Variants in SCN3A observed in about 807,000 individuals in gnomAD.
The protein encoded by SCN3A is sodium voltage-gated channel alpha subunit 3, also known as sodium channel protein type 3 subunit alpha.
Under a neutral mutation model 187.6 loss-of-function variants are expected in SCN3A, and 60 were observed. The ratio of observed to expected loss-of-function variants is 0.32; its 90% confidence interval spans 0.26 to 0.40. The LOEUF (loss-of-function observed/expected upper bound fraction) is 0.40, where lower values mean the gene tolerates loss of function less well. Among genes scored for constraint, SCN3A ranks in the 10% least tolerant of loss-of-function variants. The probability of loss-of-function intolerance (pLI) is 1.00; values close to 1 mark genes in which losing one functional copy is unlikely to be tolerated. For missense variants in SCN3A, 1,601 were observed against 2,428.2 expected, an observed-to-expected ratio of 0.66 and a Z score of 7.16; for synonymous variants, 788 against 829.2, an observed-to-expected ratio of 0.95 and a Z score of 0.85.
intron 15 of SCN3A, among the ~76,000 whole-genome samples, chr2:165,135,149 C>A (rs1687588188): frequency 6.6e-6 from 1 of 151,946 alleles, no homozygotes; most frequent in African/African-American, 2.4e-5. Context: ...GTTGTCTAAC[C>A]TACTATGATT....
rs1688394135 is a variant in SCN3A at position 165,147,028 on chromosome 2, G to A, written c.1382C>T (p.Ala461Val). The change falls in exon 12 of 28, where the codon GCA (alanine) becomes GTA (valine). Residue 461 changes from alanine (A) to valine (V), a missense_variant and splice_region_variant. By Grantham distance (64) the Ala-to-Val change is moderately conservative (BLOSUM62 0). Coordinates refer to ENST00000283254, the MANE Select transcript of SCN3A (RefSeq NM_006922.4). The part of the protein sequence containing the change: ...QLKKQQEEAQ[A>V]VAAASAASRD... ...TGAAGCAGCTGATGCTGCCGCAACT[G>A]CCTGTCATAAAACAAAGCCAGGCAC... 1 of 1,613,770 alleles carries A rather than the reference G, an allele frequency of 6.2e-7. No individual in the cohort carries two copies. Among genetic ancestry groups the A allele is most frequent in the South Asian group, 1.1e-5 (1 of 91,076 alleles).
chr2:165,112,853 A>T, intron 21 of SCN3A, 32 bp downstream of exon 21: 1 of 1,597,200 alleles, frequency 6.3e-7, no homozygotes, highest in Non-Finnish European at 8.6e-7. Context: ...TCTTTTAAAA[A>T]CAATTTTATA....
At chr2:165,128,182 C>A in intron 17 of SCN3A, 81 bp from the exon 18 acceptor site, 2 of 1,097,558 alleles carry the variant, frequency 1.8e-6, no homozygotes, top group South Asian at 3.0e-5. Flanking sequence ...ACTCATAGAT[C>A]TTTGCTAAAA....
rs575179103 is a variant in SCN3A, at chr2:165,180,832, G to A, written c.-50-4388C>T. Among the ~76,000 whole-genome samples the A allele has an allele frequency of 3.3e-5, 5 of 152,250 alleles. No homozygotes were observed. In the South Asian group the frequency reaches 1.0e-3, roughly 32 times the overall value. ...AGTATGAAGCGTGGACAGGCAGGGA[G>A]TGATCCTAGAGCAGTAGTTTTCAAA... On this transcript the variant is annotated intron_variant, in intron 2 of 27. Coordinates refer to ENST00000283254, the MANE Select transcript of SCN3A (RefSeq NM_006922.4).
At position 165,155,499 on chromosome 2, in the gene SCN3A, G is replaced by C. The variant is rs924336968; in HGVS notation, c.1173+263C>G. On this transcript the variant is annotated intron_variant, in intron 10 of 27. Transcript: ENST00000283254. ...ACTGCAACCTCCACCTCCTGGGCTTGGGTGATCCTCCCACCTCAGACTCCC... is the reference window on the plus strand; with the variant it reads ...ACTGCAACCTCCACCTCCTGGGCTTCGGTGATCCTCCCACCTCAGACTCCC... Among the ~76,000 whole-genome samples the C allele has an allele frequency of 8.6e-5, 13 of 151,884 alleles. 1 individual carries two copies. Among genetic ancestry groups the C allele is most frequent in the Admixed American group, 4.6e-4 (7 of 15,228 alleles).
chr2:165,087,693 T>C lies in SCN3A; in HGVS notation c.*2457A>G, dbSNP rs1684898246. 1 of 152,158 alleles carries C rather than the reference T, an allele frequency of 6.6e-6. No homozygotes were observed. Among genetic ancestry groups the C allele is most frequent in the Admixed American group, 6.6e-5 (1 of 15,266 alleles). 9.4% of individuals were successfully genotyped at this position (152,158 alleles called of 1,614,324 possible). ...TTGAAAAAAAAGTTAATATAAATTC[T>C]CAATAACTATATCATTAATACCTTA... On this transcript the variant is annotated 3_prime_UTR_variant, in exon 28 of 28. Coordinates refer to ENST00000283254, the MANE Select transcript of SCN3A (RefSeq NM_006922.4).
At chr2:165,155,729 A>G (rs751336558) in intron 10 of SCN3A, 33 bp downstream of exon 10, 17 of 1,612,458 alleles carry the variant, frequency 1.1e-5, no homozygotes, top group South Asian at 9.9e-5. Context: ...TGTCTATAAA[A>G]ATAAATGTTA....
At position 165,089,925 on chromosome 2, in the gene SCN3A, G is replaced by T; in HGVS notation, c.*225C>A. 1 of 582,106 alleles carries T rather than the reference G, an allele frequency of 1.7e-6. No homozygotes were observed. The highest frequency in any genetic ancestry group is 3.0e-6 in the Non-Finnish European group (1 of 334,652). The allele number at this position is 582,106 out of a possible 1,614,324, so 36.1% of individuals were successfully genotyped here. ...AGCCATTGGGTTTCTCCTCAGCAGT[G>T]TCAGCTGGTAATAAAAACAGCAACC... On this transcript the variant is annotated 3_prime_UTR_variant, in exon 28 of 28. Coordinates refer to ENST00000283254, the MANE Select transcript of SCN3A (RefSeq NM_006922.4).
intron 18 of SCN3A, among the ~76,000 whole-genome samples, chr2:165,120,900 A>C (rs1686641512): frequency 6.6e-6 from 1 of 151,566 alleles, no homozygotes; most frequent in African/African-American, 2.4e-5. Flanking sequence ...ACATCCCCGG[A>C]GCTTCTTTTA....
chr2:165,098,664 C>A (rs1261776459), intron 22 of SCN3A, among the ~76,000 whole-genome samples: 1 of 152,116 alleles, frequency 6.6e-6, no homozygotes, highest in Admixed American at 6.5e-5. Context: ...TATAGAACAA[C>A]AACAATAACA....
chr2:165,199,170 G>A (rs1021047360), intron 1 of SCN3A, among the ~76,000 whole-genome samples: 3 of 151,938 alleles, frequency 2.0e-5, no homozygotes, highest in African/African-American at 7.2e-5. Flanking sequence ...GCAGAAAATG[G>A]TCAAAGTTAT....
intron 1 of SCN3A, among the ~76,000 whole-genome samples, chr2:165,198,306 T>C (rs1692097012): frequency 6.6e-6 from 1 of 152,012 alleles, no homozygotes; most frequent in Non-Finnish European, 1.5e-5. Context: ...AGACTGAGCC[T>C]AGACTAGGAG....
intron 1 of SCN3A, among the ~76,000 whole-genome samples, chr2:165,198,382 G>A (rs980886905): frequency 1.1e-4 from 16 of 151,826 alleles, no homozygotes; most frequent in African/African-American, 3.9e-4. Context: ...CTCTCCATGC[G>A]GTTTATTTTC....
chr2:165,148,380 C>T (rs1429413880), intron 11 of SCN3A, among the ~76,000 whole-genome samples: 1 of 152,026 alleles, frequency 6.6e-6, no homozygotes, highest in Non-Finnish European at 1.5e-5. Flanking sequence ...TATATAACAA[C>T]ATATTTTAGG....
intron 21 of SCN3A, among the ~76,000 whole-genome samples, chr2:165,111,365 C>A (rs1185852828): frequency 6.6e-6 from 1 of 152,026 alleles, no homozygotes; most frequent in African/African-American, 2.4e-5. Flanking sequence ...AATCTTCATA[C>A]ATGATAAAAA....
chr2:165,181,078 GAGA>G (rs72031154), intron 2 of SCN3A, among the ~76,000 whole-genome samples: 1,785 of 152,226 alleles, frequency 0.012, 29 homozygotes, highest in Middle Eastern at 0.041. Context: ...AAAATTTAAT[GAGA>G]AGAATTTGTT....
rs534911368 is a variant in SCN3A at position 165,155,676 on chromosome 2, G to C, written c.1173+86C>G. The C allele has an allele frequency of 8.0e-6, 12 of 1,498,456 alleles. No individual in the cohort carries two copies. In the African/African-American group the frequency reaches 1.7e-4, roughly 21 times the overall value. 92.8% of individuals were successfully genotyped at this position (1,498,456 alleles called of 1,614,324 possible). A position where few individuals can be genotyped will look rare whatever the true frequency, so the allele number is the denominator to read the frequency against. On this transcript the variant is annotated intron_variant, in intron 10 of 27. Transcript: ENST00000283254. ...TGCCTCCCAAAGTGCTAGGGTTACA[G>C]GCATGAGCCACCACACCCAGCCTAT...
At chr2:165,091,687 T>C (rs1685114405) in intron 27 of SCN3A, 4 of 308,708 alleles carry the variant, frequency 1.3e-5, no homozygotes, top group Non-Finnish European at 2.4e-5. Context: ...GAATATATTG[T>C]TTTCTATTTT....
chr2:165,106,730 G>A (rs948765445), intron 21 of SCN3A, among the ~76,000 whole-genome samples: 2 of 152,156 alleles, frequency 1.3e-5, no homozygotes, highest in African/African-American at 2.4e-5. Flanking sequence ...AAATGATAAC[G>A]CTTGTTTGCC....
Sources: allele counts gnomAD v4.1 joint callset (sites outside exome capture counted in the v4.1 genomes callset), GRCh38; gene constraint gnomAD v4.1.1; transcripts MANE v1.5; gene names NCBI Gene and HGNC (gene_info 2026-07-23, HGNC 2026-07-21).